Variants in ARID3A observed in about 807,000 individuals in gnomAD.
ARID3A encodes AT-rich interaction domain 3A, also known as AT-rich interactive domain-containing protein 3A.
In ARID3A, 11 loss-of-function variants were observed where a neutral mutation model predicts 52.7. That is an observed-to-expected ratio of 0.21 (90% CI 0.13 to 0.35). The LOEUF (loss-of-function observed/expected upper bound fraction) is 0.35. Ranked by LOEUF, ARID3A falls within the 10% of genes least tolerant of loss-of-function variation. ARID3A has a pLI of 1.00. For synonymous variants in ARID3A, 404 were observed against 359.4 expected (o/e 1.12, Z -1.40); for missense variants, 721 against 838.5 (o/e 0.86, Z 1.73).
chr19:958,689 C>G (rs1005148109), intron 3 of ARID3A, among the ~76,000 whole-genome samples: 1 of 151,622 alleles, frequency 6.6e-6, no homozygotes, highest in East Asian at 2.0e-4. Flanking sequence ...GTCAGGAGAT[C>G]GAGACCATCC....
At chr19:966,514 G>T in intron 6 of ARID3A, 58 bp from the exon 7 acceptor site, 4 of 1,307,728 alleles carry the variant, frequency 3.1e-6, no homozygotes, top group Middle Eastern at 1.9e-4. Context: ...TTCCTGCCTT[G>T]AGTGGAAGGC....
rs113600791 is a variant in ARID3A, at chr19:935,145, C to T, written c.693+2403C>T. ...GCTGGCCGGCCGCTTGGCACCGTCT[C>T]TGCCTCTTCCTCCCAGGTCCTGGCA... On this transcript the variant is annotated intron_variant, in intron 3 of 8. Transcript: ENST00000263620. Among the ~76,000 whole-genome samples, 928 of 152,368 alleles carry T rather than the reference C, an allele frequency of 6.1e-3. 7 individuals carry two copies. The highest frequency in any genetic ancestry group is 0.021 in the African/African-American group (879 of 41,588).
At chr19:951,713 G>A (rs1218394569) in intron 3 of ARID3A, among the ~76,000 whole-genome samples, 1 of 152,196 alleles carries the variant, frequency 6.6e-6, no homozygotes, top group African/African-American at 2.4e-5. Flanking sequence ...GCCCGGAGGG[G>A]GCGGCTGCTG....
intron 3 of ARID3A, among the ~76,000 whole-genome samples, chr19:953,280 G>A (rs1020235815): frequency 2.0e-5 from 3 of 152,168 alleles, no homozygotes; most frequent in Non-Finnish European, 4.4e-5. Context: ...AATCATCAAC[G>A]TTTCGCCACA....
At position 938,588 on chromosome 19, in the gene ARID3A, C is replaced by T. The variant is rs1042659341; in HGVS notation, c.693+5846C>T. 4.6e-5 allele frequency among the ~76,000 whole-genome samples: 7 copies of T among 152,180 alleles called. No individual in the cohort carries two copies. In the East Asian group the frequency reaches 9.6e-4, roughly 21 times the overall value. ...GACGGTTTTGGGGAAGCTCAGCTGCCCCTCCGTTTTTCTTTTTGTCTGGAA... is the reference window on the plus strand; with the variant it reads ...GACGGTTTTGGGGAAGCTCAGCTGCTCCTCCGTTTTTCTTTTTGTCTGGAA... On this transcript the variant is annotated intron_variant, in intron 3 of 8. Transcript: ENST00000263620. The surrounding 1 kb of genome is among the most constrained non-coding windows in gnomAD (Gnocchi z 4.0).
Position 964,486 on chromosome 19 carries a change from G to C in ARID3A, c.950+55G>C. On this transcript the variant is annotated intron_variant, in intron 5 of 8. Transcript: ENST00000263620. This position sits in a 1 kb window ranked among gnomAD's most constrained non-coding sequence, Gnocchi z 5.7. The stretch of plus-strand genomic sequence containing the variant: ...GGCCAGGGCACTCTGAGCAGCCAGT[G>C]CAAGGGGCCTGCAGAAGAGGGAGGG... The C allele has an allele frequency of 6.6e-7, 1 of 1,514,062 alleles. No individual in the cohort carries two copies. Among genetic ancestry groups the C allele is most frequent in the Non-Finnish European group, 8.9e-7 (1 of 1,126,562 alleles). 93.8% of individuals were successfully genotyped at this position (1,514,062 alleles called of 1,614,324 possible). A position where few individuals can be genotyped will look rare whatever the true frequency, so the allele number is the denominator to read the frequency against.
chr19:970,006 T>G (rs1452070597), intron 8 of ARID3A, among the ~76,000 whole-genome samples: 1 of 152,076 alleles, frequency 6.6e-6, no homozygotes, highest in Non-Finnish European at 1.5e-5. Flanking sequence ...ATATACATAT[T>G]TTTTTAAATA....
Position 951,074 on chromosome 19 carries a change from A to G in ARID3A, c.694-9018A>G, listed in dbSNP as rs189455579. 4.2e-3 allele frequency among the ~76,000 whole-genome samples: 637 copies of G among 151,778 alleles called. 6 individuals carry two copies. Among genetic ancestry groups the G allele is most frequent in the African/African-American group, 0.015 (617 of 41,440 alleles). ...TGACCTCAGGTGATCCGCCCGCCTC[A>G]GCCTCCCTAAGTGCTGGGATTACAG... On this transcript the variant is annotated intron_variant, in intron 3 of 8. Coordinates refer to ENST00000263620, the MANE Select transcript of ARID3A (RefSeq NM_005224.3).
rs2037980996 is a variant in ARID3A, at chr19:958,848, GCA to G, written c.694-1242_694-1241del. ...GCGGAGGTTGCGGTGAGCCGAGATT[GCA>G]CCCCTGCACTCCAGCCTGGGGACAG... On this transcript the variant is annotated intron_variant, in intron 3 of 8. Coordinates refer to ENST00000263620, the MANE Select transcript of ARID3A (RefSeq NM_005224.3). 3.3e-5 allele frequency among the ~76,000 whole-genome samples: 5 copies of G among 152,020 alleles called. No individual in the cohort carries two copies. The South Asian group carries it at 8.3e-4, about 25-fold the overall frequency.
rs1310417119 is a variant in ARID3A at position 974,376 on chromosome 19, C to T, written c.*2311C>T. ...CACAATCACCCCGGGAAGGGGGTGTCTGTTTGCCTCCAGACACAATCGGGC... is the reference window on the plus strand; with the variant it reads ...CACAATCACCCCGGGAAGGGGGTGTTTGTTTGCCTCCAGACACAATCGGGC... On this transcript the variant is annotated 3_prime_UTR_variant, in exon 9 of 9. Coordinates refer to ENST00000263620, the MANE Select transcript of ARID3A (RefSeq NM_005224.3). 4.4e-6 allele frequency: 1 copy of T among 229,596 alleles called. No homozygotes were observed. Among genetic ancestry groups the T allele is most frequent in the Non-Finnish European group, 8.6e-6 (1 of 115,778 alleles). The allele number at this position is 229,596 out of a possible 1,614,324, so 14.2% of individuals were successfully genotyped here.
At position 941,911 on chromosome 19, in the gene ARID3A, G is replaced by C. The variant is rs186866500; in HGVS notation, c.693+9169G>C. The stretch of plus-strand genomic sequence containing the variant: ...TCGCCACGTGTGCGCACGTGTGCCC[G>C]TGACAGACGACCTTCCTGTGTGCCT... On this transcript the variant is annotated intron_variant, in intron 3 of 8. Transcript: ENST00000263620. This position sits in a 1 kb window ranked among gnomAD's most constrained non-coding sequence, Gnocchi z 6.9. Among the ~76,000 whole-genome samples the C allele has an allele frequency of 1.3e-5, 2 of 152,112 alleles. No individual in the cohort carries two copies. Among genetic ancestry groups the C allele is most frequent in the Non-Finnish European group, 2.9e-5 (2 of 68,016 alleles).
Position 938,044 on chromosome 19 carries a change from G to A in ARID3A, c.693+5302G>A, listed in dbSNP as rs971436990. ...TTTTTAGTAGAGACGGGGTTTCACC[G>A]TGTTGGGCAGGGTGGTCTTGAACTC... On this transcript the variant is annotated intron_variant, in intron 3 of 8. Coordinates refer to ENST00000263620, the MANE Select transcript of ARID3A (RefSeq NM_005224.3). This position sits in a 1 kb window ranked among gnomAD's most constrained non-coding sequence, Gnocchi z 4.0. Among the ~76,000 whole-genome samples the A allele has an allele frequency of 1.4e-4, 21 of 151,472 alleles. No individual in the cohort carries two copies. The highest frequency in any genetic ancestry group is 2.6e-4 in the Admixed American group (4 of 15,196).
At chr19:971,789 T>C (rs979210112) in intron 8 of ARID3A, 89 bp from the exon 9 acceptor site, 1 of 1,453,966 alleles carries the variant, frequency 6.9e-7, no homozygotes, top group Non-Finnish European at 9.1e-7. Flanking sequence ...AGAAGTTTAT[T>C]CCCCGGAGCA....
chr19:965,306 T>A (rs2038126392), intron 6 of ARID3A: 1 of 562,616 alleles, frequency 1.8e-6, no homozygotes, highest in South Asian at 2.4e-5. Context: ...TGCTAATCAA[T>A]CTGTGTTTCC....
intron 3 of ARID3A, among the ~76,000 whole-genome samples, chr19:953,699 G>T (rs2037853371): frequency 6.6e-6 from 1 of 152,206 alleles, no homozygotes; most frequent in African/African-American, 2.4e-5. Context: ...CAGGAGCCGA[G>T]CGGGGACCCG....
At position 938,253 on chromosome 19, in the gene ARID3A, C is replaced by T. The variant is rs188904136; in HGVS notation, c.693+5511C>T. Among the ~76,000 whole-genome samples the T allele has an allele frequency of 9.2e-5, 14 of 152,326 alleles. No individual in the cohort carries two copies. The East Asian group carries it at 2.3e-3, about 25-fold the overall frequency. On this transcript the variant is annotated intron_variant, in intron 3 of 8. Coordinates refer to ENST00000263620, the MANE Select transcript of ARID3A (RefSeq NM_005224.3). The surrounding 1 kb of genome is among the most constrained non-coding windows in gnomAD (Gnocchi z 4.0). ...TCTCCCTCTGCTTTCCAAAGTAAAG[C>T]TTGCTGCCCATGTAACTTGCAGATG...
chr19:964,723 G>C lies in ARID3A; in HGVS notation c.951-110G>C, dbSNP rs533127687. 2.8e-5 allele frequency: 41 copies of C among 1,478,354 alleles called. 1 individual carries two copies. The African/African-American group carries it at 5.3e-4, about 19-fold the overall frequency. The allele number at this position is 1,478,354 out of a possible 1,614,324, so 91.6% of individuals were successfully genotyped here. On this transcript the variant is annotated intron_variant, in intron 5 of 8. Coordinates refer to ENST00000263620, the MANE Select transcript of ARID3A (RefSeq NM_005224.3). The surrounding 1 kb of genome is among the most constrained non-coding windows in gnomAD (Gnocchi z 5.7). ...TCTGGGGGCTGCTGAGCAAGTCCAA[G>C]GGAAGAACCAGGGATGGTGGTGCCA... is the stretch of plus-strand genomic sequence containing the variant.
At chr19:968,043 T>TG (rs2038196790) in intron 7 of ARID3A, among the ~76,000 whole-genome samples, 1 of 60,340 alleles carries the variant, frequency 1.7e-5, no homozygotes, top group South Asian at 3.9e-4. Context: ...AGACTCCGTC[T>TG]CAAAAAAAAA....
chr19:949,769 A>G (rs1254106193), intron 3 of ARID3A, among the ~76,000 whole-genome samples: 2 of 148,304 alleles, frequency 1.3e-5, no homozygotes, highest in Non-Finnish European at 3.0e-5. Flanking sequence ...TCTGCCTCTC[A>G]GGTTCAAGTG....
Sources: gnomAD v4.1 joint callset for allele counts (sites outside exome capture counted in the v4.1 genomes callset) on GRCh38, gnomAD v4.1.1 for gene constraint, Gnocchi (gnomAD v3.1) non-coding constraint, MANE v1.5 for transcripts, NCBI Gene and HGNC (gene_info 2026-07-23, HGNC 2026-07-21) for gene names.